ZNF536: variants seen among roughly 807,000 people sequenced by gnomAD.
The protein encoded by ZNF536 is zinc finger protein 536.
ZNF536 carries 13 observed loss-of-function variants against 84.5 expected under a neutral mutation model. The observed-to-expected ratio is 0.15, with a 90% CI of 0.10 to 0.24. ZNF536 has a LOEUF of 0.24. Ranked by LOEUF, ZNF536 falls within the 10% of genes least tolerant of loss-of-function variation. The probability of loss-of-function intolerance (pLI) is 1.00; values close to 1 mark genes in which losing one functional copy is unlikely to be tolerated. For synonymous variants in ZNF536, 811 were observed against 742.5 expected (o/e 1.09, Z -1.50); for missense variants, 1,536 against 1,747.5 (o/e 0.88, Z 2.16).
intron 1 of ZNF536, among the ~76,000 whole-genome samples, chr19:30,248,396 ATTTTTT>A (rs34048586): frequency 3.0e-5 from 4 of 133,974 alleles, no homozygotes; most frequent in African/African-American, 2.8e-5. Flanking sequence ...TGCCCTGCTA[ATTTTTT>A]TTTTTTTTTT....
intron 1 of ZNF536, among the ~76,000 whole-genome samples, chr19:30,641,945 C>T (rs199547490): frequency 1.9e-4 from 29 of 152,196 alleles, no homozygotes; most frequent in East Asian, 1.2e-3. Context: ...GATAATAGTA[C>T]GAGCCAAAGG....
intron 1 of ZNF536, among the ~76,000 whole-genome samples, chr19:30,587,492 G>A (rs780324080): frequency 1.3e-5 from 2 of 152,120 alleles, no homozygotes; most frequent in African/African-American, 2.4e-5. Flanking sequence ...CTCATCCCCC[G>A]GGGGTGCCTG....
intron 1 of ZNF536, among the ~76,000 whole-genome samples, chr19:30,422,120 A>C (rs1188360754): frequency 6.6e-6 from 1 of 152,170 alleles, no homozygotes. Context: ...GGGTGCCTGA[A>C]ACTGGGAGCA....
chr19:30,356,572 T>C (rs981926701), intron 3 of ZNF536, among the ~76,000 whole-genome samples: 3 of 152,220 alleles, frequency 2.0e-5, no homozygotes, highest in African/African-American at 7.2e-5. Context: ...TTGCATCATA[T>C]TCGATCTTCA....
chr19:30,557,059 A>T (rs560607029), intron 4 of ZNF536, 98 bp from the exon 5 acceptor site: 1 of 1,312,250 alleles, frequency 7.6e-7, no homozygotes, highest in African/African-American at 1.5e-5. Context: ...TCATTATTCC[A>T]TTAAACGATT....
chr19:30,635,017 A>G (rs1463994231), intron 1 of ZNF536, among the ~76,000 whole-genome samples: 1 of 152,240 alleles, frequency 6.6e-6, no homozygotes, highest in Non-Finnish European at 1.5e-5. Flanking sequence ...GTACATAGAA[A>G]AAACAACCGA....
intron 1 of ZNF536, among the ~76,000 whole-genome samples, chr19:30,648,009 C>G (rs1450206471): frequency 6.6e-6 from 1 of 152,190 alleles, no homozygotes; most frequent in African/African-American, 2.4e-5. Flanking sequence ...TTCTTCTGCT[C>G]AGTGCCTCCA....
chr19:30,586,549 C>A (rs963798596), intron 1 of ZNF536, among the ~76,000 whole-genome samples: 1 of 152,166 alleles, frequency 6.6e-6, no homozygotes, highest in Non-Finnish European at 1.5e-5. Flanking sequence ...CCTTCCTTTC[C>A]CCTTCTGGTA....
intron 2 of ZNF536, among the ~76,000 whole-genome samples, chr19:30,518,631 G>A (rs76984284): frequency 0.046 from 6,966 of 152,296 alleles, 462 homozygotes; most frequent in African/African-American, 0.15. Context: ...AGTGCAGAAG[G>A]ACATCTGAGG....
intron 1 of ZNF536, among the ~76,000 whole-genome samples, chr19:30,410,793 T>TA (rs1263484321): frequency 1.3e-5 from 2 of 150,014 alleles, no homozygotes; most frequent in Admixed American, 1.3e-4. Flanking sequence ...AAGGTCTTTT[T>TA]AAAATCTCTC....
chr19:30,390,335 A>G (rs1279469303), intron 1 of ZNF536, among the ~76,000 whole-genome samples: 1 of 152,210 alleles, frequency 6.6e-6, no homozygotes, highest in Non-Finnish European at 1.5e-5. Flanking sequence ...TCGCATGCTG[A>G]AAAAGGTCTA....
At chr19:30,626,643 G>T (rs781399134) in intron 1 of ZNF536, among the ~76,000 whole-genome samples, 1 of 151,932 alleles carries the variant, frequency 6.6e-6, no homozygotes, top group African/African-American at 2.4e-5. Flanking sequence ...GAGGCCGTCC[G>T]CTGCCCCAAT....
At chr19:30,613,446 T>G (rs1039997109) in intron 1 of ZNF536, among the ~76,000 whole-genome samples, 2 of 152,228 alleles carry the variant, frequency 1.3e-5, no homozygotes, top group African/African-American at 4.8e-5. Flanking sequence ...AAGCTGTTCT[T>G]TCTCTCCTAT....
chr19:30,608,190 GAAGTAAACTTTTTC>G (rs1157189924), intron 1 of ZNF536, among the ~76,000 whole-genome samples: 2 of 152,170 alleles, frequency 1.3e-5, no homozygotes, highest in East Asian at 3.9e-4. Flanking sequence ...GACAAGCACA[GAAGTAAACTTTTTC>G]AAGTATCAGA....
chr19:30,305,864 G>A (rs1013538750), intron 2 of ZNF536, among the ~76,000 whole-genome samples: 3 of 152,248 alleles, frequency 2.0e-5, no homozygotes, highest in African/African-American at 4.8e-5. Context: ...TGTGCCATCA[G>A]GCGCCCTGTC....
chr19:30,364,263 T>A (rs896255204), intron 3 of ZNF536, among the ~76,000 whole-genome samples: 4 of 152,156 alleles, frequency 2.6e-5, no homozygotes, highest in Admixed American at 6.5e-5. Context: ...CAGAGGCTCA[T>A]GTCTGTAATC....
intron 1 of ZNF536, among the ~76,000 whole-genome samples, chr19:30,601,602 C>T (rs2047688120): frequency 6.6e-6 from 1 of 152,132 alleles, no homozygotes; most frequent in African/African-American, 2.4e-5. Context: ...CAGATGGGCC[C>T]CTGACTCCCA....
At chr19:30,321,672 G>C (rs1472447382) in intron 2 of ZNF536, among the ~76,000 whole-genome samples, 1 of 150,870 alleles carries the variant, frequency 6.6e-6, no homozygotes, top group African/African-American at 2.4e-5. Context: ...ACACAAACCA[G>C]ATGCTAACCT....
chr19:30,367,313 TA>T (rs1374976334), intron 3 of ZNF536, among the ~76,000 whole-genome samples: 1 of 152,222 alleles, frequency 6.6e-6, no homozygotes, highest in African/African-American at 2.4e-5. Flanking sequence ...AGTGCCAGGT[TA>T]CTTCCTGAAT....
Sources: allele counts gnomAD v4.1 joint callset (sites outside exome capture counted in the v4.1 genomes callset), GRCh38; gene constraint gnomAD v4.1.1; transcripts MANE v1.5; gene names NCBI Gene and HGNC (gene_info 2026-07-23, HGNC 2026-07-21).